The following CRTC1 variants were observed in gnomAD, a reference collection of about 807,000 sequenced individuals.
CRTC1 encodes CREB regulated transcription coactivator 1.
A neutral mutation model predicts 66.1 loss-of-function variants in CRTC1; 18 were observed. The ratio of observed to expected loss-of-function variants is 0.27; its 90% CI spans 0.19 to 0.40. The LOEUF (loss-of-function observed/expected upper bound fraction) is 0.40. Among genes scored for constraint, CRTC1 ranks in the 10% least tolerant of loss-of-function variants. The pLI, the probability that CRTC1 is intolerant of heterozygous loss-of-function variation, is 1.00. For synonymous variants in CRTC1, 416 were observed against 398.8 expected (o/e 1.04, Z -0.51); for missense variants, 669 against 887.9 (o/e 0.75, Z 3.13).
Position 18,759,921 on chromosome 19 carries a change from C to T in CRTC1, c.666-87C>T, listed in dbSNP as rs973107882. On this transcript the variant is annotated intron_variant, in intron 7 of 13. Transcript: ENST00000321949. The stretch of plus-strand genomic sequence containing the variant: ...CTGATGGGGGGTGGCCTTTTGCACC[C>T]GCTGATTTTCTCCCGCCAGCCCCCT... The T allele has an allele frequency of 2.8e-5, 31 of 1,103,356 alleles. 1 individual carries two copies. In the Admixed American group the frequency reaches 4.4e-4, roughly 16 times the overall value. The allele number at this position is 1,103,356 out of a possible 1,614,324, so 68.3% of individuals were successfully genotyped here.
At chr19:18,728,640 G>C (rs566751786) in intron 1 of CRTC1, among the ~76,000 whole-genome samples, 2 of 151,718 alleles carry the variant, frequency 1.3e-5, no homozygotes, top group African/African-American at 4.8e-5. Context: ...TGAGTAGCTG[G>C]GATTACAGGC....
chr19:18,739,763 G>A (rs1280252247), intron 1 of CRTC1, among the ~76,000 whole-genome samples: 2 of 152,162 alleles, frequency 1.3e-5, no homozygotes, highest in Non-Finnish European at 2.9e-5. Flanking sequence ...CCAAGCTGGC[G>A]TCCCACCACC....
At chr19:18,747,590 G>A (rs2054275347) in intron 4 of CRTC1, among the ~76,000 whole-genome samples, 1 of 152,128 alleles carries the variant, frequency 6.6e-6, no homozygotes, top group South Asian at 2.1e-4. Flanking sequence ...CCAAGATCGA[G>A]CCACTGCACT....
At chr19:18,721,559 A>G (rs949907210) in intron 1 of CRTC1, among the ~76,000 whole-genome samples, 9 of 148,514 alleles carry the variant, frequency 6.1e-5, no homozygotes, top group African/African-American at 2.3e-4. Context: ...CAGAGGCACA[A>G]TCATAGCTCA....
intron 6 of CRTC1, 147 bp downstream of exon 6, chr19:18,753,732 G>T: frequency 1.6e-6 from 1 of 621,086 alleles, no homozygotes. Flanking sequence ...TTCAAATTCA[G>T]AGAATCTGTT....
chr19:18,764,158 C>T (rs1040677204), intron 8 of CRTC1, among the ~76,000 whole-genome samples: 41 of 152,214 alleles, frequency 2.7e-4, no homozygotes, highest in Admixed American at 2.6e-3. Context: ...CATCTCCCCT[C>T]GGCGCTTGTC....
At chr19:18,713,555 A>C (rs79985705) in intron 1 of CRTC1, among the ~76,000 whole-genome samples, 5,961 of 152,222 alleles carry the variant, frequency 0.039, 172 homozygotes, top group Non-Finnish European at 0.058. Context: ...CTGCACCCTT[A>C]GGCGTCCTCC....
At chr19:18,717,728 G>A (rs1033659647) in intron 1 of CRTC1, among the ~76,000 whole-genome samples, 10 of 152,104 alleles carry the variant, frequency 6.6e-5, no homozygotes, top group Non-Finnish European at 8.8e-5. Flanking sequence ...GCCAAATGCC[G>A]GGTGGGAGCA....
intron 1 of CRTC1, among the ~76,000 whole-genome samples, chr19:18,714,938 G>A (rs919552490): frequency 6.6e-6 from 1 of 152,220 alleles, no homozygotes; most frequent in Non-Finnish European, 1.5e-5. Flanking sequence ...AAGGATTTCC[G>A]TGCCTGTTCA....
chr19:18,737,408 C>T (rs1432033049), intron 1 of CRTC1, among the ~76,000 whole-genome samples: 1 of 152,032 alleles, frequency 6.6e-6, no homozygotes, highest in South Asian at 2.1e-4. Context: ...CATCTGAGAT[C>T]GGGTGGCTTC....
In CRTC1 at chr19:18,706,182, CTTTTTTTTTTTTTTTTT is replaced by C. The variant is rs58104974; in HGVS notation, c.126+22379_126+22395del. 2.6e-3 allele frequency among the ~76,000 whole-genome samples: 48 copies of C among 18,710 alleles called. 1 individual carries two copies. The highest frequency in any genetic ancestry group is 5.3e-3 in the African/African-American group (28 of 5,324). 12.3% of individuals were successfully genotyped at this position (18,710 alleles called of 152,430 possible). A position where few individuals can be genotyped will look rare whatever the true frequency, so the allele number is the denominator to read the frequency against. On this transcript the variant is annotated intron_variant, in intron 1 of 13. Transcript: ENST00000321949. ...GGGCTTTCTATTCTATTCCATTGGT[CTTTTTTTTTTTTTTTTT>C]TTTTTTTTTTTTTTTTTTTTTTTTA...
At chr19:18,691,331 C>T (rs2052830104) in intron 1 of CRTC1, among the ~76,000 whole-genome samples, 1 of 151,662 alleles carries the variant, frequency 6.6e-6, no homozygotes, top group Non-Finnish European at 1.5e-5. Context: ...GCCTGGGCCA[C>T]AAAGAGGGAA....
In CRTC1 at chr19:18,760,983, GC is replaced by G. The variant is rs1173031423; in HGVS notation, c.886+760del. ...CTTCCTCCACTTGGGACCTCGCACG[GC>G]CCCCAGCTCCCTCTCAGTGAAAGCC... On this transcript the variant is annotated intron_variant, in intron 8 of 13. Transcript: ENST00000321949. The surrounding 1 kb of genome is among the most constrained non-coding windows in gnomAD (Gnocchi z 6.2). 6.6e-6 allele frequency among the ~76,000 whole-genome samples: 1 copy of G among 151,938 alleles called. No homozygotes were observed.
chr19:18,744,844 A>C (rs1044826446), intron 2 of CRTC1, among the ~76,000 whole-genome samples: 1 of 152,290 alleles, frequency 6.6e-6, no homozygotes, highest in African/African-American at 2.4e-5. Context: ...TGGGGACAGT[A>C]GTCAGCCCTG....
In CRTC1 at chr19:18,727,786, A is replaced by G. The variant is rs1428444665; in HGVS notation, c.127-15124A>G. Among the ~76,000 whole-genome samples, 6 of 152,018 alleles carry G rather than the reference A, an allele frequency of 3.9e-5. 1 individual carries two copies. The East Asian group carries it at 5.9e-4, about 15-fold the overall frequency. ...GCCCAGGCTGAAGTGCAGTGGCACAATCTTGGCTCACTGCCACCTCTGCCT... is the reference window on the plus strand; with the variant it reads ...GCCCAGGCTGAAGTGCAGTGGCACAGTCTTGGCTCACTGCCACCTCTGCCT... On this transcript the variant is annotated intron_variant, in intron 1 of 13. Coordinates refer to ENST00000321949, the MANE Select transcript of CRTC1 (RefSeq NM_015321.3).
At chr19:18,751,418 G>C (rs2054360758) in intron 5 of CRTC1, among the ~76,000 whole-genome samples, 1 of 152,176 alleles carries the variant, frequency 6.6e-6, no homozygotes, top group African/African-American at 2.4e-5. Context: ...CAGCCACTCG[G>C]GAGGCTGAGG....
chr19:18,778,345 C>A lies in CRTC1; in HGVS notation c.*963C>A. On this transcript the variant is annotated 3_prime_UTR_variant, in exon 14 of 14. Transcript: ENST00000321949. Reference sequence around the variant, plus strand: ...TTTGGTTGTAGATGACTCGCTTAATCTTTTAAGCCAACACTTGCCTGAGAG... The same window carrying A: ...TTTGGTTGTAGATGACTCGCTTAATATTTTAAGCCAACACTTGCCTGAGAG... 2 of 226,730 alleles carry A rather than the reference C, an allele frequency of 8.8e-6. No homozygotes were observed. Among genetic ancestry groups the A allele is most frequent in the Non-Finnish European group, 1.8e-5 (2 of 113,986 alleles). 14.0% of individuals were successfully genotyped at this position (226,730 alleles called of 1,614,324 possible). A position where few individuals can be genotyped will look rare whatever the true frequency, so the allele number is the denominator to read the frequency against.
At chr19:18,749,637 C>T (rs539144826) in intron 4 of CRTC1, 144 bp from the exon 5 acceptor site, 14 of 669,994 alleles carry the variant, frequency 2.1e-5, no homozygotes, top group East Asian at 8.1e-5. Context: ...AATGAGGTCC[C>T]GAGAGCTTTG....
chr19:18,744,014 G>C (rs1021666317), intron 2 of CRTC1: 29 of 1,375,166 alleles, frequency 2.1e-5, no homozygotes, highest in Non-Finnish European at 3.0e-5. Flanking sequence ...TCTGTCGCCC[G>C]AGGCCCACAG....
Sources: allele counts gnomAD v4.1 joint callset (sites outside exome capture counted in the v4.1 genomes callset), GRCh38; gene constraint gnomAD v4.1.1; non-coding constraint Gnocchi (gnomAD v3.1); transcripts MANE v1.5; gene names NCBI Gene and HGNC (gene_info 2026-07-23, HGNC 2026-07-21).